FSTL4: variants seen among roughly 807,000 people sequenced by gnomAD.
FSTL4 encodes follistatin like 4, also known as follistatin-related protein 4.
In FSTL4, 28 loss-of-function variants were observed where a neutral mutation model predicts 78.2. The observed-to-expected ratio is 0.36, with a 90% confidence interval of 0.27 to 0.49. The LOEUF (loss-of-function observed/expected upper bound fraction) is 0.49. Among genes scored for constraint, FSTL4 ranks in the 20% least tolerant of loss-of-function variants. The probability of loss-of-function intolerance (pLI) is 0.98; values close to 1 mark genes in which losing one functional copy is unlikely to be tolerated. For synonymous variants in FSTL4, 422 were observed against 440.5 expected (o/e 0.96, Z 0.53); for missense variants, 922 against 1,084.9 (o/e 0.85, Z 2.11).
chr5:133,381,911 C>T (rs1431698956), intron 4 of FSTL4, among the ~76,000 whole-genome samples: 2 of 152,230 alleles, frequency 1.3e-5, no homozygotes, highest in South Asian at 2.1e-4. Flanking sequence ...GGCCTCTGTC[C>T]TCCAAGGAGA....
At chr5:133,212,572 G>C (rs1750767482) in intron 13 of FSTL4, among the ~76,000 whole-genome samples, 1 of 152,138 alleles carries the variant, frequency 6.6e-6, no homozygotes, top group African/African-American at 2.4e-5. Flanking sequence ...AAGATAGGTT[G>C]ATAGAACATA....
intron 3 of FSTL4, among the ~76,000 whole-genome samples, chr5:133,526,709 C>G (rs1296941141): frequency 2.6e-5 from 4 of 152,012 alleles, no homozygotes; most frequent in Non-Finnish European, 5.9e-5. Context: ...ATGGGGAGGC[C>G]TTTGCAGGGA....
intron 4 of FSTL4, among the ~76,000 whole-genome samples, chr5:133,325,337 G>A (rs1754182765): frequency 6.6e-6 from 1 of 152,192 alleles, no homozygotes; most frequent in Non-Finnish European, 1.5e-5. Flanking sequence ...GGCAGAATGT[G>A]GGGTCAAGGT....
At chr5:133,836,165 C>T in the FSTL4 span, among the ~76,000 whole-genome samples, 12,124 of 152,160 alleles carry the variant, frequency 0.08, 1,005 homozygotes, top group African/African-American at 0.21. Context: ...AGTCTATTTA[C>T]ATTCAATGTA....
chr5:133,486,822 A>G (rs1580740226), intron 3 of FSTL4, among the ~76,000 whole-genome samples: 1 of 152,262 alleles, frequency 6.6e-6, no homozygotes, highest in South Asian at 2.1e-4. Context: ...ACAAACATAC[A>G]TATTGAAGCG....
chr5:133,624,816 T>C, the FSTL4 span, among the ~76,000 whole-genome samples: 1 of 151,644 alleles, frequency 6.6e-6, no homozygotes, highest in Non-Finnish European at 1.5e-5. Context: ...TATAATCATC[T>C]TGTCTATATC....
At chr5:133,816,476 T>G in the FSTL4 span, among the ~76,000 whole-genome samples, 1 of 152,142 alleles carries the variant, frequency 6.6e-6, no homozygotes, top group Non-Finnish European at 1.5e-5. Context: ...GGGAAAGCCA[T>G]TTACAATGGA....
At chr5:133,444,950 G>A (rs1047422715) in intron 3 of FSTL4, among the ~76,000 whole-genome samples, 2 of 152,112 alleles carry the variant, frequency 1.3e-5, no homozygotes, top group Non-Finnish European at 2.9e-5. Context: ...TCCTACTGCC[G>A]CCACTGACCT....
chr5:133,492,564 G>A (rs1421140956), intron 3 of FSTL4, among the ~76,000 whole-genome samples: 2 of 152,122 alleles, frequency 1.3e-5, no homozygotes, highest in Non-Finnish European at 2.9e-5. Context: ...TGCTAATGAA[G>A]TTTGCAATTA....
At chr5:133,371,724 C>A (rs1755306261) in intron 4 of FSTL4, among the ~76,000 whole-genome samples, 2 of 152,244 alleles carry the variant, frequency 1.3e-5, no homozygotes, top group South Asian at 4.1e-4. Context: ...TCAGCGATCA[C>A]TGGGCATTGT....
At chr5:133,400,091 C>G (rs1023481168) in intron 4 of FSTL4, among the ~76,000 whole-genome samples, 3 of 152,202 alleles carry the variant, frequency 2.0e-5, no homozygotes, top group Admixed American at 2.0e-4. Flanking sequence ...ATAGCCGCTG[C>G]CCTAATGGTT....
chr5:133,600,421 AG>A (rs35678803), intron 2 of FSTL4, among the ~76,000 whole-genome samples: 67,786 of 146,506 alleles, frequency 0.46, 15,534 homozygotes, highest in East Asian at 0.63. Flanking sequence ...TGTAGGATAA[AG>A]GGGGGGGGGA....
intron 13 of FSTL4, among the ~76,000 whole-genome samples, chr5:133,213,411 C>T (rs1241289419): frequency 6.6e-6 from 1 of 152,140 alleles, no homozygotes; most frequent in Non-Finnish European, 1.5e-5. Flanking sequence ...GAATTAATGG[C>T]AAATGTGTGG....
chr5:133,764,446 G>GT, the FSTL4 span, among the ~76,000 whole-genome samples: 1 of 152,182 alleles, frequency 6.6e-6, no homozygotes, highest in Non-Finnish European at 1.5e-5. Flanking sequence ...CAAGCCAAAG[G>GT]TCCCCTTCAT....
At chr5:133,388,453 T>G (rs1488399134) in intron 4 of FSTL4, 1 of 103,934 alleles carries the variant, frequency 9.6e-6, no homozygotes, top group Non-Finnish European at 2.6e-5. Flanking sequence ...GAACAGAATG[T>G]TTTTTTTCCT....
chr5:133,437,621 C>T (rs1408832803), intron 3 of FSTL4, among the ~76,000 whole-genome samples: 1 of 151,374 alleles, frequency 6.6e-6, no homozygotes, highest in African/African-American at 2.4e-5. Flanking sequence ...TCCCGAGCAG[C>T]TGGGATTACA....
At chr5:133,481,955 A>T (rs1392002063) in intron 3 of FSTL4, among the ~76,000 whole-genome samples, 1 of 152,210 alleles carries the variant, frequency 6.6e-6, no homozygotes, top group African/African-American at 2.4e-5. Flanking sequence ...AGCTTTGGGG[A>T]ATTTATCTTG....
the FSTL4 span, among the ~76,000 whole-genome samples, chr5:133,624,293 G>T: frequency 6.6e-6 from 1 of 151,970 alleles, no homozygotes; most frequent in Non-Finnish European, 1.5e-5. Context: ...ACTGATACAT[G>T]CTACAACATA....
chr5:133,613,772 T>C (rs538050221), upstream of FSTL4, among the ~76,000 whole-genome samples: 6 of 152,268 alleles, frequency 3.9e-5, no homozygotes, highest in African/African-American at 1.4e-4. Context: ...TCCCCACTTG[T>C]AAAATGAGGG....
Sources: allele counts gnomAD v4.1 joint callset (sites outside exome capture counted in the v4.1 genomes callset), GRCh38; gene constraint gnomAD v4.1.1; transcripts MANE v1.5; gene names NCBI Gene and HGNC (gene_info 2026-07-23, HGNC 2026-07-21).